ISCA1: variants seen among roughly 807,000 people sequenced by gnomAD.
ISCA1 encodes iron-sulfur cluster assembly 1, also known as iron-sulfur cluster assembly 1 homolog, mitochondrial.
A neutral mutation model predicts 14.7 loss-of-function variants in ISCA1; 9 were observed. The observed-to-expected ratio is 0.61, with a 90% CI of 0.37 to 1.07. ISCA1 has a LOEUF of 1.07. Among genes scored for constraint, ISCA1 ranks in the 50% least tolerant of loss-of-function variants. ISCA1 has a pLI of 0.01. For synonymous variants in ISCA1, 38 were observed against 54.3 expected (o/e 0.70, Z 1.32); for missense variants, 102 against 150.1 (o/e 0.68, Z 1.67).
chr9:86,281,830 C>G (rs1273739452), intron 1 of ISCA1: 2 of 153,984 alleles, frequency 1.3e-5, no homozygotes, highest in African/African-American at 4.8e-5. Flanking sequence ...AGGACACCGG[C>G]AAGTAACGCT....
intron 1 of ISCA1, among the ~76,000 whole-genome samples, chr9:86,277,192 A>T (rs1411174612): frequency 6.6e-6 from 1 of 152,202 alleles, no homozygotes; most frequent in Non-Finnish European, 1.5e-5. Flanking sequence ...TGGTCTACTT[A>T]TCACCAAGTT....
intron 1 of ISCA1, among the ~76,000 whole-genome samples, chr9:86,275,641 A>C (rs1413756404): frequency 6.6e-6 from 1 of 152,230 alleles, no homozygotes; most frequent in African/African-American, 2.4e-5. Context: ...CTTTTAATTC[A>C]GTTATTAATA....
chr9:86,279,842 T>C (rs374717314), intron 1 of ISCA1, among the ~76,000 whole-genome samples: 8 of 152,358 alleles, frequency 5.3e-5, no homozygotes, highest in Admixed American at 2.6e-4. Context: ...GAGCAATACA[T>C]GCCATAGTGT....
At chr9:86,268,087 A>C (rs1825311715) in intron 3 of ISCA1, among the ~76,000 whole-genome samples, 3 of 152,194 alleles carry the variant, frequency 2.0e-5, no homozygotes, top group African/African-American at 7.2e-5. Context: ...TATTGTTTAA[A>C]ATTTTAGAGT....
chr9:86,271,969 A>G (rs747144289), intron 3 of ISCA1, 38 bp downstream of exon 3: 2 of 1,233,766 alleles, frequency 1.6e-6, no homozygotes, highest in East Asian at 4.6e-5. Flanking sequence ...AATTTTAGGC[A>G]AAACAATGTG....
intron 2 of ISCA1, among the ~76,000 whole-genome samples, chr9:86,272,454 C>T (rs148595350): frequency 7.7e-4 from 118 of 152,316 alleles, no homozygotes; most frequent in African/African-American, 2.7e-3. Context: ...TCTGGCAATC[C>T]TACCTCTACA....
At chr9:86,268,443 C>CAAAA (rs35902983) in intron 3 of ISCA1, among the ~76,000 whole-genome samples, 14 of 82,182 alleles carry the variant, frequency 1.7e-4, no homozygotes, top group African/African-American at 5.9e-4. Flanking sequence ...ACAAAAGAGT[C>CAAAA]AAAAAAAAAA....
At chr9:86,268,847 T>C (rs1825327006) in intron 3 of ISCA1, among the ~76,000 whole-genome samples, 1 of 152,072 alleles carries the variant, frequency 6.6e-6, no homozygotes, top group Non-Finnish European at 1.5e-5. Context: ...CAGGTTGGAG[T>C]GCAATGGCAT....
chr9:86,272,242 C>T, intron 2 of ISCA1, 130 bp from the exon 3 acceptor site: 2 of 668,770 alleles, frequency 3.0e-6, no homozygotes, highest in Admixed American at 2.8e-5. Flanking sequence ...CAGGGTCTCA[C>T]TATGTAGCCC....
intron 3 of ISCA1, chr9:86,267,486 C>G (rs1024529652): frequency 3.5e-5 from 34 of 974,330 alleles, no homozygotes; most frequent in Non-Finnish European, 4.1e-5. Context: ...AAGCTAAGTG[C>G]ATACTTCCAA....
At chr9:86,274,157 T>A in intron 2 of ISCA1, 32 bp downstream of exon 2, 1 of 1,274,586 alleles carries the variant, frequency 7.8e-7, no homozygotes, top group Non-Finnish European at 1.1e-6. Flanking sequence ...CAGCTTCAGT[T>A]TTTTACTGAA....
intron 1 of ISCA1, among the ~76,000 whole-genome samples, chr9:86,276,410 C>T (rs1825439458): frequency 1.3e-5 from 2 of 152,182 alleles, no homozygotes; most frequent in African/African-American, 4.8e-5. Context: ...CTGGGGACCC[C>T]TGTTCTAAGT....
chr9:86,274,052 A>AT, intron 2 of ISCA1, 137 bp downstream of exon 2: 1 of 582,714 alleles, frequency 1.7e-6, no homozygotes, highest in Non-Finnish European at 3.0e-6. Context: ...TATTATTTGA[A>AT]TTTTTTAAAA....
At chr9:86,274,366 G>A (rs1425473621) in intron 1 of ISCA1, 124 bp from the exon 2 acceptor site, 1 of 654,812 alleles carries the variant, frequency 1.5e-6, no homozygotes, top group Admixed American at 2.6e-5. Context: ...TCTTGCCAGG[G>A]TACCTTATGG....
chr9:86,266,111 T>C lies in ISCA1; in HGVS notation c.322A>G (p.Ser108Gly). ...EMDYVEDKLS[S>G]EFVFNNPNIK... is the part of the protein sequence containing the mutation. ...TTTGGGTTATTGAACACAAACTCAC[T>C]GGATAATTTGTCTTCAACATAGTCC... The change falls in exon 4 of 4, where the codon AGT (serine) becomes GGT (glycine). Residue 108 changes from serine (S) to glycine (G), a missense_variant. Transcript: ENST00000375991. The C allele has an allele frequency of 1.2e-6, 2 of 1,613,054 alleles. No individual in the cohort carries two copies. Among genetic ancestry groups the C allele is most frequent in the Non-Finnish European group, 1.7e-6 (2 of 1,179,664 alleles).
intron 3 of ISCA1, among the ~76,000 whole-genome samples, chr9:86,266,605 T>C (rs977065162): frequency 3.9e-5 from 6 of 152,178 alleles, no homozygotes; most frequent in Non-Finnish European, 5.9e-5. Flanking sequence ...CAAAGGACTG[T>C]GATACAATGG....
chr9:86,269,322 A>C (rs1302184649), intron 3 of ISCA1, among the ~76,000 whole-genome samples: 1 of 152,256 alleles, frequency 6.6e-6, no homozygotes, highest in Admixed American at 6.5e-5. Flanking sequence ...TCAAATCATG[A>C]GTGAACTCCC....
intron 3 of ISCA1, among the ~76,000 whole-genome samples, chr9:86,270,687 C>T (rs1448870794): frequency 2.6e-5 from 4 of 151,822 alleles, no homozygotes; most frequent in African/African-American, 7.3e-5. Context: ...AGACTTGGAA[C>T]CAACCCAAAT....
intron 1 of ISCA1, among the ~76,000 whole-genome samples, chr9:86,279,267 G>A (rs1376821779): frequency 1.3e-5 from 2 of 152,210 alleles, no homozygotes; most frequent in Non-Finnish European, 2.9e-5. Context: ...GAACTTGGTT[G>A]AGTTTTAATG....
Sources: gnomAD v4.1 joint callset for allele counts (sites outside exome capture counted in the v4.1 genomes callset) on GRCh38, gnomAD v4.1.1 for gene constraint, MANE v1.5 for transcripts, NCBI Gene and HGNC (gene_info 2026-07-23, HGNC 2026-07-21) for gene names.